Variants in ADAM10 observed in about 807,000 individuals in gnomAD.
ADAM10 encodes the protein disintegrin and metalloproteinase domain-containing protein 10.
A neutral mutation model predicts 90.1 loss-of-function variants in ADAM10; 17 were observed. The ratio of observed to expected loss-of-function variants is 0.19; its 90% CI spans 0.13 to 0.28. ADAM10 has a LOEUF of 0.28. ADAM10 is among the 10% of genes least tolerant of loss of function. The pLI is 1.00. For missense variants in ADAM10, 610 were observed against 914.3 expected (o/e 0.67, Z 4.29); for synonymous variants, 310 against 298.6 (o/e 1.04, Z -0.40).
At chr15:58,741,145 A>G (rs2140849577) in intron 1 of ADAM10, among the ~76,000 whole-genome samples, 1 of 152,298 alleles carries the variant, frequency 6.6e-6, no homozygotes, top group East Asian at 1.9e-4. Flanking sequence ...TGCCATCATC[A>G]ATACAAGCAA....
At chr15:58,702,608 A>T (rs978541524) in intron 2 of ADAM10, among the ~76,000 whole-genome samples, 16 of 152,358 alleles carry the variant, frequency 1.1e-4, no homozygotes, top group East Asian at 5.8e-4. Flanking sequence ...TAAATTTTTT[A>T]AAATAATTTT....
intron 9 of ADAM10, among the ~76,000 whole-genome samples, chr15:58,630,236 T>C (rs1178039673): frequency 5.3e-5 from 8 of 152,202 alleles, no homozygotes; most frequent in African/African-American, 1.9e-4. Flanking sequence ...AAAACTATGA[T>C]GGTCATATTT....
chr15:58,718,931 C>T (rs1462415628), intron 1 of ADAM10, among the ~76,000 whole-genome samples: 13 of 152,198 alleles, frequency 8.5e-5, no homozygotes, highest in Admixed American at 8.5e-4. Flanking sequence ...AGTACCACAA[C>T]CCATAAATCT....
At chr15:58,637,926 C>T (rs1896309940) in intron 8 of ADAM10, among the ~76,000 whole-genome samples, 1 of 151,722 alleles carries the variant, frequency 6.6e-6, no homozygotes. Flanking sequence ...AAATATATAA[C>T]ATTCCTTGTT....
chr15:58,622,321 T>C (rs528226148), intron 10 of ADAM10, among the ~76,000 whole-genome samples: 302 of 152,354 alleles, frequency 2.0e-3, no homozygotes, highest in African/African-American at 6.8e-3. Flanking sequence ...TTTCCTCAAA[T>C]GTCTCTTTAC....
chr15:58,682,077 A>C lies in ADAM10; in HGVS notation c.325+119T>G. ...CTCAAAGACCATTACCCTTCATATG[A>C]ATTCAACCTCCTCTGGATTTATAAC... On this transcript the variant is annotated intron_variant, in intron 3 of 15. Transcript: ENST00000260408. The C allele has an allele frequency of 2.1e-6, 3 of 1,409,156 alleles. No homozygotes were observed. The South Asian group carries it at 3.7e-5, about 18-fold the overall frequency. The allele number at this position is 1,409,156 out of a possible 1,614,324, so 87.3% of individuals were successfully genotyped here.
chr15:58,613,909 A>G (rs1171692822), intron 11 of ADAM10, among the ~76,000 whole-genome samples: 1 of 152,228 alleles, frequency 6.6e-6, no homozygotes, highest in Admixed American at 6.5e-5. Context: ...TGAGCCCAGG[A>G]GTTCAAGATC....
chr15:58,655,090 G>T (rs1452028428), intron 5 of ADAM10, among the ~76,000 whole-genome samples: 1 of 152,138 alleles, frequency 6.6e-6, no homozygotes, highest in Non-Finnish European at 1.5e-5. Context: ...TGAAAGTGGG[G>T]TATTGAAGTC....
chr15:58,701,226 C>G (rs1898128342), intron 2 of ADAM10, among the ~76,000 whole-genome samples: 1 of 151,112 alleles, frequency 6.6e-6, no homozygotes, highest in Non-Finnish European at 1.5e-5. Context: ...CCAGAATATA[C>G]AAGGAACTCA....
intron 1 of ADAM10, among the ~76,000 whole-genome samples, chr15:58,730,174 T>C (rs1336602215): frequency 2.6e-5 from 4 of 152,232 alleles, no homozygotes; most frequent in Non-Finnish European, 5.9e-5. Flanking sequence ...CTTGCTTTAA[T>C]GTAAGCATTT....
At chr15:58,655,711 G>GTGTATATATATATATA (rs1212041296) in intron 5 of ADAM10, among the ~76,000 whole-genome samples, 17 of 53,706 alleles carry the variant, frequency 3.2e-4, no homozygotes, top group East Asian at 2.3e-3. Context: ...TATATATATA[G>GTGTATATATATATATA]TATATATATA....
intron 2 of ADAM10, among the ~76,000 whole-genome samples, chr15:58,716,093 T>C (rs538095811): frequency 8.5e-5 from 13 of 152,310 alleles, no homozygotes; most frequent in African/African-American, 3.1e-4. Context: ...AACTTAAAAG[T>C]AATTTTTTCA....
At chr15:58,697,308 T>A (rs1002465775) in intron 2 of ADAM10, among the ~76,000 whole-genome samples, 12 of 152,148 alleles carry the variant, frequency 7.9e-5, no homozygotes, top group Admixed American at 5.9e-4. Context: ...AATGTTTATG[T>A]CTGGTGCCAC....
At chr15:58,744,874 A>G (rs1012225671) in intron 1 of ADAM10, among the ~76,000 whole-genome samples, 3 of 152,088 alleles carry the variant, frequency 2.0e-5, no homozygotes, top group African/African-American at 7.2e-5. Flanking sequence ...AACAACAAAA[A>G]CACAAAAAAT....
intron 2 of ADAM10, among the ~76,000 whole-genome samples, chr15:58,704,768 T>C (rs1898232188): frequency 6.6e-6 from 1 of 152,204 alleles, no homozygotes; most frequent in Non-Finnish European, 1.5e-5. Context: ...TTACTGCATC[T>C]TACCCTCAGA....
Position 58,616,144 on chromosome 15 carries a change from T to C in ADAM10, c.1512-4153A>G, listed in dbSNP as rs545758015. Reference sequence around the variant, plus strand: ...CCCAGATACATAAAGCAAATACTATTAGATCTAAAGAGAGAGATCAACTCC... The same window carrying C: ...CCCAGATACATAAAGCAAATACTATCAGATCTAAAGAGAGAGATCAACTCC... On this transcript the variant is annotated intron_variant, in intron 11 of 15. Transcript: ENST00000260408. 5.3e-4 allele frequency among the ~76,000 whole-genome samples: 80 copies of C among 152,262 alleles called. 1 individual carries two copies. The highest frequency in any genetic ancestry group is 1.8e-3 in the African/African-American group (75 of 41,564).
intron 3 of ADAM10, among the ~76,000 whole-genome samples, chr15:58,680,254 C>T (rs960529914): frequency 6.6e-6 from 1 of 152,048 alleles, no homozygotes; most frequent in Admixed American, 6.5e-5. Context: ...TCCCTAGTAG[C>T]TGGGACTACA....
In ADAM10 at chr15:58,652,659, T is replaced by G. The variant is rs530052754; in HGVS notation, c.586-6455A>C. 2.0e-3 allele frequency among the ~76,000 whole-genome samples: 303 copies of G among 152,296 alleles called. 1 individual carries two copies. Among genetic ancestry groups the G allele is most frequent in the African/African-American group, 6.8e-3 (283 of 41,572 alleles). ...TATAGCGCTACAGTATAATCTGAAG[T>G]CAGGTAATATGATTCCTCCAATTTT... On this transcript the variant is annotated intron_variant, in intron 5 of 15. Coordinates refer to ENST00000260408, the MANE Select transcript of ADAM10 (RefSeq NM_001110.4).
Position 58,625,033 on chromosome 15 carries a change from C to T in ADAM10, c.1360+2667G>A, listed in dbSNP as rs146495172. Among the ~76,000 whole-genome samples, 762 of 152,132 alleles carry T rather than the reference C, an allele frequency of 5.0e-3. 2 individuals are homozygous for T. The highest frequency in any genetic ancestry group is 0.031 in the Middle Eastern group (9 of 294). ...TGTACATTAAGAAGCATTAGAAAAA[C>T]AACCACTGACAATAACAATAACAAA... On this transcript the variant is annotated intron_variant, in intron 10 of 15. Transcript: ENST00000260408.
Sources: gnomAD v4.1 joint callset for allele counts (sites outside exome capture counted in the v4.1 genomes callset) on GRCh38, gnomAD v4.1.1 for gene constraint, MANE v1.5 for transcripts, NCBI Gene and HGNC (gene_info 2026-07-23, HGNC 2026-07-21) for gene names.